CXXC1: variants seen among roughly 807,000 people sequenced by gnomAD.
CXXC1 encodes the protein CXXC-type zinc finger protein 1.
A neutral mutation model predicts 83.6 loss-of-function variants in CXXC1; 21 were observed. The ratio of observed to expected loss-of-function variants is 0.25; its 90% CI spans 0.18 to 0.36. The LOEUF (loss-of-function observed/expected upper bound fraction) is 0.36. CXXC1 is among the 10% of genes least tolerant of loss of function. The probability of loss-of-function intolerance (pLI) is 1.00; values close to 1 mark genes in which losing one functional copy is unlikely to be tolerated. For missense variants in CXXC1, 688 were observed against 919.5 expected (o/e 0.75, Z 3.26); for synonymous variants, 371 against 337.5 (o/e 1.10, Z -1.09).
chr18:50,285,966 G>A lies in CXXC1; in HGVS notation c.460-38C>T, dbSNP rs758699277. On this transcript the variant is annotated intron_variant, in intron 4 of 14. Transcript: ENST00000285106. The surrounding 1 kb of genome is among the most constrained non-coding windows in gnomAD (Gnocchi z 4.4). ...GCCCAGAACAGAAATCATGGACCCA[G>A]GCAGGGCTGAAACGGAACCACTTTA... 3 of 1,613,892 alleles carry A rather than the reference G, an allele frequency of 1.9e-6. No homozygotes were observed. Among genetic ancestry groups the A allele is most frequent in the Admixed American group, 1.7e-5 (1 of 60,028 alleles).
intron 9 of CXXC1, 29 bp downstream of exon 9, chr18:50,284,349 C>T (rs370899579): frequency 1.2e-4 from 180 of 1,518,034 alleles, no homozygotes; most frequent in Non-Finnish European, 1.5e-4. Flanking sequence ...CACTTCCTGA[C>T]TCCCTTGAAC....
In CXXC1 at chr18:50,284,712, C is replaced by T. The variant is rs772089809; in HGVS notation, c.1020+20G>A. The T allele has an allele frequency of 1.1e-5, 17 of 1,611,646 alleles. No homozygotes were observed. Among genetic ancestry groups the T allele is most frequent in the Admixed American group, 1.7e-5 (1 of 59,598 alleles). On this transcript the variant is annotated intron_variant, in intron 8 of 14. Transcript: ENST00000285106. ...ACCCCACCCTCTGCCTTTCCACATC[C>T]ACTTTACCCTCTCCATCACCTTCTT...
At chr18:50,283,088 G>A in intron 13 of CXXC1, 82 bp from the exon 14 acceptor site, 1 of 1,504,206 alleles carries the variant, frequency 6.6e-7, no homozygotes, top group East Asian at 2.3e-5. Context: ...AGAAGGAAAA[G>A]AATGGAGGGT....
At position 50,286,800 on chromosome 18, in the gene CXXC1, T is replaced by C. The variant is rs756684604; in HGVS notation, c.62A>G (p.Asn21Ser). Residue 21 changes from asparagine to serine, a missense_variant, in exon 2 of 15, where the codon AAT becomes AGT. Physicochemically the swap from Asn to Ser is conservative, Grantham distance 46. This residue lies in a region of CXXC1 where 51 missense variants were observed against 48.0 expected (regional missense o/e 1.06). Coordinates refer to ENST00000285106, the MANE Select transcript of CXXC1 (RefSeq NM_014593.4). The part of the protein sequence containing the change: ...PDAGEDSKSE[N>S]GENAPIYCIC... ...GCAGTAGATGGGCGCATTCTCCCCA[T>C]TCTCGGACTTGCTGTCCTCCCCGGC... The C allele has an allele frequency of 6.2e-7, 1 of 1,613,964 alleles. No homozygotes were observed. Among genetic ancestry groups the C allele is most frequent in the East Asian group, 2.2e-5 (1 of 44,882 alleles).
intron 8 of CXXC1, 27 bp from the exon 9 acceptor site, chr18:50,284,589 G>C (rs1356233510): frequency 6.3e-7 from 1 of 1,582,692 alleles, no homozygotes; most frequent in Non-Finnish European, 8.6e-7. Flanking sequence ...GTCAGGTCAG[G>C]GTGGAGTCAA....
chr18:50,282,607 T>C lies in CXXC1; in HGVS notation c.1957A>G (p.Ser653Gly), dbSNP rs2040518140. 2 of 1,610,200 alleles carry C rather than the reference T, an allele frequency of 1.2e-6. No homozygotes were observed. Among genetic ancestry groups the C allele is most frequent in the Non-Finnish European group, 1.7e-6 (2 of 1,179,996 alleles). The change falls in exon 15 of 15, where the codon AGT becomes GGT. Residue 653 changes from serine to glycine, a missense_variant. Ser to Gly is a moderately conservative substitution (Grantham distance 56). This residue lies in a region of CXXC1 where 34 missense variants were observed against 27.0 expected (regional missense o/e 1.26). Coordinates refer to ENST00000285106, the MANE Select transcript of CXXC1 (RefSeq NM_014593.4). The surrounding 1 kb of genome is among the most constrained non-coding windows in gnomAD (Gnocchi z 5.8). Reference sequence around the variant, plus strand: ...GGCCAGGAGGCTCAGCGGTCGGCACTGGAGCGCAGGTCGGTAGTGAGGGGA... The same window carrying C: ...GGCCAGGAGGCTCAGCGGTCGGCACCGGAGCGCAGGTCGGTAGTGAGGGGA... ...HDPLTTDLRS[S>G]ADR
Position 50,284,820 on chromosome 18 carries a change from T to C in CXXC1, c.932A>G (p.Glu311Gly). 1 of 1,614,192 alleles carries C rather than the reference T, an allele frequency of 6.2e-7. No individual in the cohort carries two copies. Among genetic ancestry groups the C allele is most frequent in the South Asian group, 1.1e-5 (1 of 91,078 alleles). Residue 311 changes from glutamate to glycine, a missense_variant, in exon 8 of 15, where the codon GAA (glutamate) becomes GGA (glycine). Glu to Gly is a moderately conservative substitution (Grantham distance 98, BLOSUM62 -2). Coordinates refer to ENST00000285106, the MANE Select transcript of CXXC1 (RefSeq NM_014593.4). ...DHGLPWMSDT[E>G]ESPFLDPALR... Reference sequence around the variant, plus strand: ...CGCGGGGTCCAGGAATGGGGACTCTTCTGTGTCGCTCATCCAGGGCTGCAA... The same window carrying C: ...CGCGGGGTCCAGGAATGGGGACTCTCCTGTGTCGCTCATCCAGGGCTGCAA...
chr18:50,282,527 G>C lies in CXXC1; in HGVS notation c.*66C>G. On this transcript the variant is annotated 3_prime_UTR_variant, in exon 15 of 15. Coordinates refer to ENST00000285106, the MANE Select transcript of CXXC1 (RefSeq NM_014593.4). The surrounding 1 kb of genome is among the most constrained non-coding windows in gnomAD (Gnocchi z 5.8). ...GGAGAAACAGATGAGTGGAGGAACG[G>C]ACACACGGGCACCGGGCGGCTCCCC... is the stretch of plus-strand genomic sequence containing the variant. The C allele has an allele frequency of 6.3e-7, 1 of 1,577,744 alleles. No homozygotes were observed. The highest frequency in any genetic ancestry group is 8.6e-7 in the Non-Finnish European group (1 of 1,163,062).
In CXXC1 at chr18:50,285,662, G is replaced by A. The variant is rs1454205969; in HGVS notation, c.639+87C>T. The A allele has an allele frequency of 2.0e-6, 3 of 1,498,726 alleles. No individual in the cohort carries two copies. The highest frequency in any genetic ancestry group is 2.7e-6 in the Non-Finnish European group (3 of 1,102,552). 92.8% of individuals were successfully genotyped at this position (1,498,726 alleles called of 1,614,324 possible). On this transcript the variant is annotated intron_variant, in intron 5 of 14. Coordinates refer to ENST00000285106, the MANE Select transcript of CXXC1 (RefSeq NM_014593.4). This position sits in a 1 kb window ranked among gnomAD's most constrained non-coding sequence, Gnocchi z 4.4. ...GATACAGTCAGGCCCAATCCCACCT[G>A]GTTTATCCATGCCTAGACTTAACTA...
At chr18:50,283,223 G>A in intron 13 of CXXC1, 42 bp downstream of exon 13, 1 of 1,525,590 alleles carries the variant, frequency 6.6e-7, no homozygotes, top group South Asian at 1.1e-5. Flanking sequence ...CAGCGAGGCA[G>A]GGAGGAGGGG....
intron 13 of CXXC1, 22 bp from the exon 14 acceptor site, chr18:50,283,028 G>A (rs2040584928): frequency 6.2e-7 from 1 of 1,612,942 alleles, no homozygotes; most frequent in Admixed American, 1.7e-5. Context: ...CCAGGTTGGG[G>A]GGATGAATAG....
At chr18:50,287,055 C>A (rs1334276814) in intron 1 of CXXC1, 197 bp from the exon 2 acceptor site, 2 of 590,652 alleles carry the variant, frequency 3.4e-6, no homozygotes, top group African/African-American at 1.9e-5. Context: ...CTGCTCCATA[C>A]TTCCCATCAC....
chr18:50,282,635 G>A lies in CXXC1; in HGVS notation c.1929C>T (p.His643=). The A allele has an allele frequency of 6.2e-7, 1 of 1,612,272 alleles. No individual in the cohort carries two copies. Among genetic ancestry groups the A allele is most frequent in the Non-Finnish European group, 8.5e-7 (1 of 1,180,014 alleles). The change falls in exon 15 of 15, where the codon CAC becomes CAT. Residue 643 remains histidine (H), a synonymous_variant. Transcript: ENST00000285106. The surrounding 1 kb of genome is among the most constrained non-coding windows in gnomAD (Gnocchi z 5.8). ...LALMLHQTIQ[H]DPLTTDLRSS... ...AGCGCAGGTCGGTAGTGAGGGGATC[G>A]TGCTGGATCGTCTGGTGCAGCATCA...
intron 13 of CXXC1, 33 bp downstream of exon 13, chr18:50,283,232 G>A: frequency 6.4e-7 from 1 of 1,573,402 alleles, no homozygotes; most frequent in East Asian, 2.2e-5. Flanking sequence ...AGGGAGGAGG[G>A]GCAAAATGGG....
intron 1 of CXXC1, chr18:50,287,245 C>T: frequency 2.0e-6 from 1 of 509,306 alleles, no homozygotes; most frequent in East Asian, 3.3e-5. Flanking sequence ...CCAGTCGCGG[C>T]TGTCCACGGA....
chr18:50,283,399 A>T (rs750586999), intron 12 of CXXC1, 38 bp from the exon 13 acceptor site: 57 of 1,599,570 alleles, frequency 3.6e-5, no homozygotes. Flanking sequence ...AGAGGGAGGG[A>T]AGGGAGGTCC....
At position 50,284,501 on chromosome 18, in the gene CXXC1, G is replaced by C; in HGVS notation, c.1082C>G (p.Pro361Arg). Residue 361 changes from proline to arginine, a missense_variant, in exon 9 of 15, where the codon CCA (proline) becomes CGA (arginine). Pro to Arg is a moderately radical substitution (Grantham distance 103). This residue lies in a region of CXXC1 where 190 missense variants were observed against 199.7 expected (regional missense o/e 0.95). Transcript: ENST00000285106. ...AGGGTCCTTGGCATCAGCCCTCTCT[G>C]GGTGTTTCCATTTATCCTTGTGCTT... ...KQKHKDKWKH[P>R]ERADAKDPAS... The C allele has an allele frequency of 6.2e-7, 1 of 1,608,060 alleles. No homozygotes were observed. The highest frequency in any genetic ancestry group is 8.5e-7 in the Non-Finnish European group (1 of 1,177,128).
intron 11 of CXXC1, 44 bp from the exon 12 acceptor site, chr18:50,283,608 G>C: frequency 2.5e-6 from 4 of 1,610,780 alleles, no homozygotes; most frequent in Non-Finnish European, 3.4e-6. Flanking sequence ...GATGTGCGCT[G>C]CATGCCCTCC....
rs373147894 is a variant in CXXC1 at position 50,282,582 on chromosome 18, G to C, written c.*11C>G. Reference sequence around the variant, plus strand: ...TGGAATGCAGGGTGTAAGGGGTCCGGGCCAGGAGGCTCAGCGGTCGGCACT... The same window carrying C: ...TGGAATGCAGGGTGTAAGGGGTCCGCGCCAGGAGGCTCAGCGGTCGGCACT... On this transcript the variant is annotated 3_prime_UTR_variant, in exon 15 of 15. Transcript: ENST00000285106. The surrounding 1 kb of genome is among the most constrained non-coding windows in gnomAD (Gnocchi z 5.8). The C allele has an allele frequency of 3.2e-5, 52 of 1,605,986 alleles. 1 individual carries two copies. In the African/African-American group the frequency reaches 5.7e-4, roughly 18 times the overall value.
Sources: gnomAD v4.1 joint callset for allele counts on GRCh38, gnomAD v4.1.1 for gene constraint, gnomAD v4.1.1 regional missense constraint, Gnocchi (gnomAD v3.1) non-coding constraint, MANE v1.5 for transcripts, NCBI Gene and HGNC (gene_info 2026-07-23, HGNC 2026-07-21) for gene names.